Variants in PPARGC1A observed in about 807,000 individuals in gnomAD.
PPARGC1A encodes the protein peroxisome proliferator-activated receptor gamma coactivator 1-alpha.
A neutral mutation model predicts 88.7 loss-of-function variants in PPARGC1A; 25 were observed. That is an observed-to-expected ratio of 0.28 (90% CI 0.21 to 0.39). The LOEUF (loss-of-function observed/expected upper bound fraction) is 0.39. Ranked by LOEUF, PPARGC1A falls within the 10% of genes least tolerant of loss-of-function variation. The pLI, the probability that PPARGC1A is intolerant of heterozygous loss-of-function variation, is 1.00. For missense variants in PPARGC1A, 880 were observed against 968.7 expected (o/e 0.91, Z 1.22); for synonymous variants, 363 against 355.6 (o/e 1.02, Z -0.24).
Position 23,812,737 on chromosome 4 carries a change from G to T in PPARGC1A, c.2019+10C>A. ...TACTTTAAAATAAAAGTGAGCTCCA[G>T]GCCACTTACAATTGCCTTCTGCCTC... On this transcript the variant is annotated intron_variant, in intron 10 of 12. Transcript: ENST00000264867. The T allele has an allele frequency of 5.0e-6, 8 of 1,613,814 alleles. No homozygotes were observed. Among genetic ancestry groups the T allele is most frequent in the Non-Finnish European group, 6.8e-6 (8 of 1,179,890 alleles).
chr4:24,388,635 C>A, the PPARGC1A span, among the ~76,000 whole-genome samples: 2 of 152,182 alleles, frequency 1.3e-5, no homozygotes, highest in African/African-American at 4.8e-5. Flanking sequence ...GAATACTATG[C>A]AGCCATAAAA....
At chr4:24,044,364 T>C in the PPARGC1A span, among the ~76,000 whole-genome samples, 1 of 152,178 alleles carries the variant, frequency 6.6e-6, no homozygotes, top group Non-Finnish European at 1.5e-5. Flanking sequence ...ATAATGAGTC[T>C]CTTAAAAGAA....
rs759450234 is a variant in PPARGC1A at position 23,813,091 on chromosome 4, G to A, written c.1828C>T (p.His610Tyr). 6.2e-7 allele frequency: 1 copy of A among 1,614,104 alleles called. No individual in the cohort carries two copies. Among genetic ancestry groups the A allele is most frequent in the Non-Finnish European group, 8.5e-7 (1 of 1,179,976 alleles). ...CYYYESSHYR[H>Y]RTHRNSPLYV... Reference sequence around the variant, plus strand: ...AAGGGAGAATTTCGGTGCGTGCGGTGTCTGTAGTGGCTTGACTCATAGTAA... The same window carrying A: ...AAGGGAGAATTTCGGTGCGTGCGGTATCTGTAGTGGCTTGACTCATAGTAA... The change falls in exon 9 of 13, where the codon CAC (histidine) becomes TAC (tyrosine). Residue 610 changes from histidine (H) to tyrosine (Y), a missense_variant. Transcript: ENST00000264867.
At chr4:23,857,373 G>GTGTGT (rs148212399) in intron 2 of PPARGC1A, among the ~76,000 whole-genome samples, 25,192 of 104,254 alleles carry the variant, frequency 0.24, 2,745 homozygotes, top group Middle Eastern at 0.37. Flanking sequence ...GTGTGTGTGT[G>GTGTGT]ACACACACAC....
chr4:24,466,912 G>A, the PPARGC1A span, among the ~76,000 whole-genome samples: 2 of 136,990 alleles, frequency 1.5e-5, no homozygotes, highest in African/African-American at 5.4e-5. Flanking sequence ...AGGAAGGAAG[G>A]AAGGAAGGGA....
the PPARGC1A span, among the ~76,000 whole-genome samples, chr4:24,049,308 G>GTAAATATATA: frequency 7.2e-6 from 1 of 139,550 alleles, no homozygotes; most frequent in Non-Finnish European, 1.5e-5. Context: ...ATATATGTGT[G>GTAAATATATA]TATATATATA....
In PPARGC1A at chr4:23,801,717, A is replaced by G; in HGVS notation, c.2293+13T>C. 6.2e-7 allele frequency: 1 copy of G among 1,613,740 alleles called. No individual in the cohort carries two copies. On this transcript the variant is annotated intron_variant, in intron 12 of 12. Transcript: ENST00000264867. ...TTATGGATTCCTCATTCCACGTACA[A>G]TAAAATCCATACCTAGGTCTGCATA...
the PPARGC1A span, among the ~76,000 whole-genome samples, chr4:24,418,529 G>A: frequency 1.3e-5 from 2 of 151,790 alleles, no homozygotes; most frequent in African/African-American, 4.8e-5. Context: ...TCTAAACACC[G>A]AGACACAAGT....
chr4:24,249,838 G>A, the PPARGC1A span, among the ~76,000 whole-genome samples: 1 of 152,164 alleles, frequency 6.6e-6, no homozygotes, highest in Non-Finnish European at 1.5e-5. Context: ...GGGGGTTGCT[G>A]TAAGATTCAA....
At chr4:23,942,863 A>G in the PPARGC1A span, among the ~76,000 whole-genome samples, 1 of 152,208 alleles carries the variant, frequency 6.6e-6, no homozygotes, top group East Asian at 1.9e-4. Context: ...TTCATGTTAC[A>G]TAAATTTTAG....
chr4:24,356,488 C>A, the PPARGC1A span, among the ~76,000 whole-genome samples: 1 of 152,156 alleles, frequency 6.6e-6, no homozygotes, highest in African/African-American at 2.4e-5. Context: ...TCAAGATGAA[C>A]CTTCTGTCCA....
At chr4:24,156,786 G>A in the PPARGC1A span, among the ~76,000 whole-genome samples, 4 of 147,032 alleles carry the variant, frequency 2.7e-5, no homozygotes, top group Admixed American at 2.0e-4. Context: ...ATACTGGTTG[G>A]TGGCTTTTAT....
At chr4:23,841,433 G>C (rs894331181) in intron 2 of PPARGC1A, among the ~76,000 whole-genome samples, 3 of 151,800 alleles carry the variant, frequency 2.0e-5, no homozygotes, top group Non-Finnish European at 4.4e-5. Context: ...AAATATTATA[G>C]TGTATATTTT....
the PPARGC1A span, among the ~76,000 whole-genome samples, chr4:24,231,959 CAATTT>C: frequency 6.6e-6 from 1 of 152,098 alleles, no homozygotes; most frequent in Non-Finnish European, 1.5e-5. Context: ...ATTTTCCCTT[CAATTT>C]AAGAGAAAAA....
the PPARGC1A span, among the ~76,000 whole-genome samples, chr4:24,322,464 C>G: frequency 6.6e-6 from 1 of 152,288 alleles, no homozygotes; most frequent in Non-Finnish European, 1.5e-5. Flanking sequence ...TGAGTTGTTT[C>G]TATATGTCAT....
the PPARGC1A span, among the ~76,000 whole-genome samples, chr4:24,125,074 T>C: frequency 6.6e-6 from 1 of 152,080 alleles, no homozygotes; most frequent in Non-Finnish European, 1.5e-5. Context: ...AATATTGGGT[T>C]AGAGAGCCTG....
rs1415651727 is a variant in PPARGC1A, at chr4:23,793,958, T to A, written c.*1864A>T. ...AGGCTATCTGCAACTGATAAATATG[T>A]CTCTTTAGTAAACAAAGGAATGAAA... is the stretch of plus-strand genomic sequence containing the variant. On this transcript the variant is annotated 3_prime_UTR_variant, in exon 13 of 13. Coordinates refer to ENST00000264867, the MANE Select transcript of PPARGC1A (RefSeq NM_013261.5). 1 of 152,590 alleles carries A rather than the reference T, an allele frequency of 6.6e-6. No homozygotes were observed. Among genetic ancestry groups the A allele is most frequent in the Non-Finnish European group, 1.5e-5 (1 of 68,024 alleles). The allele number at this position is 152,590 out of a possible 1,614,324, so 9.5% of individuals were successfully genotyped here. A position where few individuals can be genotyped will look rare whatever the true frequency, so the allele number is the denominator to read the frequency against.
At chr4:24,060,008 GCAGGCAC>G in the PPARGC1A span, among the ~76,000 whole-genome samples, 3 of 152,164 alleles carry the variant, frequency 2.0e-5, no homozygotes, top group Non-Finnish European at 2.9e-5. Flanking sequence ...GGACGTCACA[GCAGGCAC>G]CAGGCACCAG....
At chr4:23,934,772 T>G in the PPARGC1A span, among the ~76,000 whole-genome samples, 1 of 152,212 alleles carries the variant, frequency 6.6e-6, no homozygotes, top group Non-Finnish European at 1.5e-5. Context: ...ATAAGGAAAC[T>G]GAGGCTCATC....
Sources: allele counts gnomAD v4.1 joint callset (sites outside exome capture counted in the v4.1 genomes callset), GRCh38; gene constraint gnomAD v4.1.1; transcripts MANE v1.5; gene names NCBI Gene and HGNC (gene_info 2026-07-23, HGNC 2026-07-21).